CEP83: variants seen among roughly 807,000 people sequenced by gnomAD.
CEP83 encodes the protein centrosomal protein 83.
A neutral mutation model predicts 101.9 loss-of-function variants in CEP83; 70 were observed. The observed-to-expected ratio is 0.69, with a 90% confidence interval of 0.57 to 0.84. The LOEUF (loss-of-function observed/expected upper bound fraction) is 0.84. CEP83 is among the 40% of genes least tolerant of loss of function. The pLI is 0.00. For synonymous variants in CEP83, 264 were observed against 267.9 expected (o/e 0.99, Z 0.14); for missense variants, 715 against 787.2 (o/e 0.91, Z 1.10).
intron 11 of CEP83, among the ~76,000 whole-genome samples, chr12:94,360,176 A>T (rs1437519694): frequency 6.6e-6 from 1 of 152,202 alleles, no homozygotes. Flanking sequence ...ATCATACTGA[A>T]CAAAAAAACA....
At chr12:94,398,965 C>G (rs1246217833) in intron 6 of CEP83, among the ~76,000 whole-genome samples, 1 of 152,176 alleles carries the variant, frequency 6.6e-6, no homozygotes, top group East Asian at 1.9e-4. Flanking sequence ...TGGGGTCAGA[C>G]CAGTTCTCTG....
the CEP83 span, among the ~76,000 whole-genome samples, chr12:94,292,050 G>A: frequency 6.6e-6 from 1 of 152,020 alleles, no homozygotes; most frequent in Non-Finnish European, 1.5e-5. Context: ...AGCATGTATC[G>A]GTAATTCTTT....
chr12:94,380,586 A>G (rs1593558062), intron 6 of CEP83, among the ~76,000 whole-genome samples: 2 of 152,122 alleles, frequency 1.3e-5, no homozygotes, highest in South Asian at 4.1e-4. Flanking sequence ...GATCTTTAAG[A>G]TACTGTTTAC....
At chr12:94,269,646 T>C in the CEP83 span, among the ~76,000 whole-genome samples, 1 of 152,268 alleles carries the variant, frequency 6.6e-6, no homozygotes, top group Non-Finnish European at 1.5e-5. Context: ...CATTCCATTG[T>C]TCATTAAATC....
At chr12:94,275,669 CGG>C in the CEP83 span, among the ~76,000 whole-genome samples, 1 of 96,638 alleles carries the variant, frequency 1.0e-5, no homozygotes, top group African/African-American at 4.3e-5. Context: ...CCGGCTAAAA[CGG>C]TGAAACCCCG....
At chr12:94,296,607 A>G in the CEP83 span, among the ~76,000 whole-genome samples, 1 of 152,136 alleles carries the variant, frequency 6.6e-6, no homozygotes, top group Non-Finnish European at 1.5e-5. Flanking sequence ...GAGATCCTAG[A>G]AAGGGTCAGC....
the CEP83 span, among the ~76,000 whole-genome samples, chr12:94,270,132 A>G: frequency 1.3e-5 from 2 of 152,238 alleles, no homozygotes; most frequent in Admixed American, 6.5e-5. Context: ...ATCACAAGTC[A>G]TGGCGGAGAT....
chr12:94,320,720 C>T (rs565831066), intron 14 of CEP83, among the ~76,000 whole-genome samples: 4 of 152,252 alleles, frequency 2.6e-5, no homozygotes, highest in African/African-American at 7.2e-5. Context: ...CTATAGGTCC[C>T]CAGTCTCTCC....
intron 6 of CEP83, among the ~76,000 whole-genome samples, chr12:94,398,762 C>T (rs903358906): frequency 3.9e-5 from 6 of 152,144 alleles, no homozygotes; most frequent in African/African-American, 1.2e-4. Flanking sequence ...GAAGATATCG[C>T]TAAATTCTTT....
chr12:94,283,083 G>A, the CEP83 span, among the ~76,000 whole-genome samples: 1 of 152,220 alleles, frequency 6.6e-6, no homozygotes, highest in South Asian at 2.1e-4. Context: ...GATAAGAGCT[G>A]GGGCTGCATG....
At chr12:94,345,631 C>A (rs975457844) in intron 11 of CEP83, among the ~76,000 whole-genome samples, 1 of 152,008 alleles carries the variant, frequency 6.6e-6, no homozygotes, top group East Asian at 1.9e-4. Flanking sequence ...TGGAACTGGT[C>A]ATAAAAAAAT....
At chr12:94,279,425 GA>G in the CEP83 span, 1 of 1,545,624 alleles carries the variant, frequency 6.5e-7, no homozygotes, top group Non-Finnish European at 8.8e-7. Context: ...ATGCCTTTCA[GA>G]TTGCAATTAT....
chr12:94,366,521 TG>T (rs1459509441), intron 11 of CEP83, among the ~76,000 whole-genome samples: 2 of 152,128 alleles, frequency 1.3e-5, no homozygotes, highest in African/African-American at 4.8e-5. Context: ...GTTTTCTCAC[TG>T]TCAAAAGAAT....
the CEP83 span, among the ~76,000 whole-genome samples, chr12:94,290,430 G>A: frequency 2.6e-5 from 4 of 152,270 alleles, no homozygotes; most frequent in Non-Finnish European, 5.9e-5. Context: ...TAGGAGCAGA[G>A]TCGAAGAGCT....
intron 2 of CEP83, chr12:94,424,960 T>C (rs960848165): frequency 2.2e-5 from 35 of 1,576,346 alleles, no homozygotes; most frequent in African/African-American, 6.9e-5. Context: ...AAGTCACGGA[T>C]AGCAGCATTT....
At chr12:94,376,269 C>A (rs2061529607) in intron 7 of CEP83, among the ~76,000 whole-genome samples, 1 of 152,058 alleles carries the variant, frequency 6.6e-6, no homozygotes, top group Non-Finnish European at 1.5e-5. Flanking sequence ...AAAGTTTATA[C>A]ACTTCTCTCA....
intron 2 of CEP83, among the ~76,000 whole-genome samples, chr12:94,427,772 C>A (rs2065315843): frequency 6.6e-6 from 1 of 152,196 alleles, no homozygotes; most frequent in African/African-American, 2.4e-5. Flanking sequence ...GGAGGACCTA[C>A]ACCAGGCATT....
chr12:94,429,228 G>A (rs2065433288), intron 2 of CEP83, among the ~76,000 whole-genome samples: 2 of 152,192 alleles, frequency 1.3e-5, no homozygotes, highest in Admixed American at 1.3e-4. Context: ...CTAAGAGCCT[G>A]GAGAGAATTC....
chr12:94,297,496 G>T, the CEP83 span: 2 of 1,043,644 alleles, frequency 1.9e-6, no homozygotes, highest in Admixed American at 2.0e-5. Flanking sequence ...AATTTCCACT[G>T]AAGTGTGAAA....
Sources: gnomAD v4.1 joint callset for allele counts (sites outside exome capture counted in the v4.1 genomes callset) on GRCh38, gnomAD v4.1.1 for gene constraint, MANE v1.5 for transcripts, NCBI Gene and HGNC (gene_info 2026-07-23, HGNC 2026-07-21) for gene names.